Variants in FGF12 observed in about 807,000 individuals in gnomAD.
The protein encoded by FGF12 is fibroblast growth factor 12, also known as fibroblast growth factor 12B.
In FGF12, 14 loss-of-function variants were observed where a neutral mutation model predicts 23.6. The observed-to-expected ratio is 0.59, with a 90% CI of 0.39 to 0.93. The LOEUF is 0.93. Ranked by LOEUF, FGF12 falls within the 40% of genes least tolerant of loss-of-function variation. The probability of loss-of-function intolerance (pLI) is 0.00; values close to 1 mark genes in which losing one functional copy is unlikely to be tolerated. For missense variants in FGF12, 175 were observed against 217.8 expected, an observed-to-expected ratio of 0.80 and a Z score of 1.24; for synonymous variants, 62 against 77.3, an observed-to-expected ratio of 0.80 and a Z score of 1.04.
At chr3:192,459,318 T>A (rs1453971965) in intron 2 of FGF12, among the ~76,000 whole-genome samples, 2 of 152,220 alleles carry the variant, frequency 1.3e-5, no homozygotes, top group Admixed American at 6.5e-5. Flanking sequence ...ATTCTTGTTG[T>A]GAATGCTAAA....
At chr3:192,522,825 T>C (rs966988466) in intron 2 of FGF12, among the ~76,000 whole-genome samples, 1 of 152,222 alleles carries the variant, frequency 6.6e-6, no homozygotes, top group Non-Finnish European at 1.5e-5. Flanking sequence ...AGAATAAATA[T>C]AGTTTGCCAC....
intron 4 of FGF12, among the ~76,000 whole-genome samples, chr3:192,270,426 A>G (rs910060697): frequency 3.3e-5 from 5 of 152,062 alleles, no homozygotes; most frequent in African/African-American, 1.2e-4. Context: ...CTCCCCTACT[A>G]TTACTGGGCA....
chr3:192,627,852 A>ATGTGTGTG lies in FGF12; in HGVS notation c.13+99321_13+99328dup, dbSNP rs138709721. Reference sequence around the variant, plus strand: ...TTTGACTTGTACTCTGTGTGTGTGCATGTGTGTGTGTGTGTGTGTGTGTGT... The same window carrying ATGTGTGTG: ...TTTGACTTGTACTCTGTGTGTGTGCATGTGTGTGTGTGTGTGTGTGTGTGTGTGTGTGT... On this transcript the variant is annotated intron_variant, in intron 2 of 5. Coordinates refer to ENST00000445105, the MANE Select transcript of FGF12 (RefSeq NM_004113.6). Among the ~76,000 whole-genome samples, 985 of 147,336 alleles carry ATGTGTGTG rather than the reference A, an allele frequency of 6.7e-3. 12 individuals carry two copies. In the East Asian group the frequency reaches 0.068, roughly 10 times the overall value.
chr3:192,182,349 A>T (rs1003350845), intron 4 of FGF12, among the ~76,000 whole-genome samples: 4 of 152,066 alleles, frequency 2.6e-5, no homozygotes, highest in African/African-American at 9.7e-5. Flanking sequence ...TAGACTACAG[A>T]CCTCCAATTA....
chr3:192,341,589 G>A (rs749174311), intron 3 of FGF12, among the ~76,000 whole-genome samples: 1 of 151,474 alleles, frequency 6.6e-6, no homozygotes, highest in East Asian at 1.9e-4. Context: ...TTATTTTTTC[G>A]AGGGAGAACC....
Position 192,238,224 on chromosome 3 carries a change from C to T in FGF12, c.229-67568G>A, listed in dbSNP as rs936180059. On this transcript the variant is annotated intron_variant, in intron 4 of 5. Transcript: ENST00000445105. ...TGGAGGTGCTGAGGTGTTCCCAGTT[C>T]ACTTGCAACAACACTCTGGCAGGGG... is the stretch of plus-strand genomic sequence containing the variant. The T allele has an allele frequency of 2.0e-5, 3 of 152,616 alleles. No individual in the cohort carries two copies. In the East Asian group the frequency reaches 5.8e-4, roughly 30 times the overall value. The allele number at this position is 152,616 out of a possible 1,614,324, so 9.5% of individuals were successfully genotyped here.
At chr3:192,527,668 A>T (rs1434007201) in intron 2 of FGF12, among the ~76,000 whole-genome samples, 1 of 152,072 alleles carries the variant, frequency 6.6e-6, no homozygotes, top group Non-Finnish European at 1.5e-5. Context: ...TTTCATTTTT[A>T]TTTTTTTATT....
At chr3:192,599,309 C>T (rs997167407) in intron 2 of FGF12, among the ~76,000 whole-genome samples, 4 of 135,572 alleles carry the variant, frequency 3.0e-5, no homozygotes, top group South Asian at 2.2e-4. Context: ...TGGAATCCTA[C>T]AGTCCTGAAT....
intron 2 of FGF12, among the ~76,000 whole-genome samples, chr3:192,666,052 T>C (rs1406204074): frequency 6.6e-6 from 1 of 152,136 alleles, no homozygotes; most frequent in Non-Finnish European, 1.5e-5. Context: ...AACTTACCTA[T>C]GAAGTAGAAG....
chr3:192,332,956 G>A (rs1717202630), intron 4 of FGF12, among the ~76,000 whole-genome samples: 3 of 152,142 alleles, frequency 2.0e-5, no homozygotes, highest in Admixed American at 6.6e-5. Context: ...TTCTAGATGT[G>A]AGGCAAGTTT....
At chr3:192,249,562 A>G (rs193069161) in intron 4 of FGF12, among the ~76,000 whole-genome samples, 5 of 152,180 alleles carry the variant, frequency 3.3e-5, no homozygotes, top group Admixed American at 6.5e-5. Context: ...CAACACGTAG[A>G]ATCAGGGTCT....
At chr3:192,225,984 T>C (rs1348795150) in intron 4 of FGF12, among the ~76,000 whole-genome samples, 1 of 152,164 alleles carries the variant, frequency 6.6e-6, no homozygotes, top group East Asian at 1.9e-4. Flanking sequence ...GTAGTGGGTA[T>C]GGGATTTATT....
chr3:192,421,210 G>A (rs1721517544), intron 2 of FGF12, among the ~76,000 whole-genome samples: 2 of 152,028 alleles, frequency 1.3e-5, no homozygotes, highest in East Asian at 3.9e-4. Flanking sequence ...ACCATAGAAA[G>A]GTCACTTAAC....
chr3:192,353,676 G>A (rs2108725955), intron 3 of FGF12, among the ~76,000 whole-genome samples: 1 of 152,232 alleles, frequency 6.6e-6, no homozygotes, highest in Non-Finnish European at 1.5e-5. Flanking sequence ...GCTGGGAGCA[G>A]AAGTCTTATG....
At chr3:192,267,248 A>T (rs1029839221) in intron 4 of FGF12, 3 of 152,150 alleles carry the variant, frequency 2.0e-5, no homozygotes, top group Non-Finnish European at 2.9e-5. Context: ...ACTATGCTTG[A>T]TTGGCTGGCA....
In FGF12 at chr3:192,161,612, G is replaced by T. The variant is rs139902400; in HGVS notation, c.427+8846C>A. ...ACAATTCTAGTTTTGCTTCTTTCTAGCTGTATACACCTAAGTGAGTTAACC... is the reference window on the plus strand; with the variant it reads ...ACAATTCTAGTTTTGCTTCTTTCTATCTGTATACACCTAAGTGAGTTAACC... On this transcript the variant is annotated intron_variant, in intron 5 of 5. Coordinates refer to ENST00000445105, the MANE Select transcript of FGF12 (RefSeq NM_004113.6). 2.0e-5 allele frequency among the ~76,000 whole-genome samples: 3 copies of T among 151,686 alleles called. No homozygotes were observed. In the East Asian group the frequency reaches 5.9e-4, roughly 30 times the overall value.
chr3:192,467,816 C>G (rs1239892182), intron 2 of FGF12, among the ~76,000 whole-genome samples: 1 of 152,200 alleles, frequency 6.6e-6, no homozygotes, highest in Non-Finnish European at 1.5e-5. Flanking sequence ...AGGTCAATGT[C>G]CTACACTTAA....
At chr3:192,467,982 G>T (rs1332503503) in intron 2 of FGF12, among the ~76,000 whole-genome samples, 1 of 152,162 alleles carries the variant, frequency 6.6e-6, no homozygotes, top group South Asian at 2.1e-4. Context: ...CTCGGCAGAG[G>T]ATGAAAGGGC....
chr3:192,605,204 C>A (rs1425259529), intron 2 of FGF12, among the ~76,000 whole-genome samples: 2 of 151,994 alleles, frequency 1.3e-5, no homozygotes, highest in Admixed American at 6.6e-5. Flanking sequence ...TGGTGAAACC[C>A]TGTCTCTACT....
Sources: gnomAD v4.1 joint callset for allele counts (sites outside exome capture counted in the v4.1 genomes callset) on GRCh38, gnomAD v4.1.1 for gene constraint, MANE v1.5 for transcripts, NCBI Gene and HGNC (gene_info 2026-07-23, HGNC 2026-07-21) for gene names.